ARHGAP6: variants seen among roughly 807,000 people sequenced by gnomAD.
ARHGAP6 encodes the protein rho GTPase-activating protein 6.
A neutral mutation model predicts 55.7 loss-of-function variants in ARHGAP6; 16 were observed. The observed-to-expected ratio is 0.29, with a 90% CI of 0.19 to 0.44. The LOEUF (loss-of-function observed/expected upper bound fraction) is 0.44. Ranked by LOEUF, ARHGAP6 falls within the 20% of genes least tolerant of loss-of-function variation. The pLI, the probability that ARHGAP6 is intolerant of heterozygous loss-of-function variation, is 1.00. For synonymous variants in ARHGAP6, 382 were observed against 360.9 expected (o/e 1.06, Z -0.66); for missense variants, 698 against 808.9 (o/e 0.86, Z 1.66).
chrX:11,652,551 G>T (rs191780366), intron 1 of ARHGAP6, among the ~76,000 whole-genome samples: 1 of 112,246 alleles, frequency 8.9e-6, no homozygotes, highest in East Asian at 2.8e-4. Context: ...CTGCCAGAAA[G>T]AAAATATGAC....
At chrX:11,501,499 CTAAAACTAAAT>C (rs1372348707) in intron 1 of ARHGAP6, among the ~76,000 whole-genome samples, 2 of 111,546 alleles carry the variant, frequency 1.8e-5, no homozygotes, top group Non-Finnish European at 3.8e-5. Flanking sequence ...GGTTGGAAAA[CTAAAACTAAAT>C]TACAACTGAC....
At chrX:11,296,973 C>A in intron 1 of ARHGAP6, 1 of 861,991 alleles carries the variant, frequency 1.2e-6, no homozygotes, top group Non-Finnish European at 1.7e-6. Context: ...CCAGTTTAAG[C>A]TCTGATGGTT....
At chrX:11,196,135 A>AAAAACAAAAC (rs572396714) in intron 3 of ARHGAP6, among the ~76,000 whole-genome samples, 4,182 of 100,654 alleles carry the variant, frequency 0.042, 223 homozygotes, top group African/African-American at 0.12. Flanking sequence ...CTCTGTCTCA[A>AAAAACAAAAC]AAAACAAAAC....
intron 4 of ARHGAP6, 125 bp from the exon 5 acceptor site, chrX:11,186,556 ATTTC>A (rs953355177): frequency 1.9e-5 from 8 of 419,872 alleles, no homozygotes; most frequent in East Asian, 7.5e-5. Flanking sequence ...CTACTGCTTG[ATTTC>A]TTTAATTGTT....
At chrX:11,144,946 A>G (rs1038875811) in intron 10 of ARHGAP6, 10 of 112,917 alleles carry the variant, frequency 8.9e-5, no homozygotes, top group African/African-American at 3.2e-4. Context: ...TGATGTACTA[A>G]TTAGTATACC....
At chrX:11,142,415 A>T (rs2045632484) in intron 11 of ARHGAP6, 102 bp from the exon 12 acceptor site, 2 of 479,094 alleles carry the variant, frequency 4.2e-6, no homozygotes, top group Non-Finnish European at 6.8e-6. Context: ...TGTATTCAAG[A>T]TCCTGTTGTA....
At chrX:11,343,588 A>T (rs1431713036) in intron 1 of ARHGAP6, among the ~76,000 whole-genome samples, 1 of 112,014 alleles carries the variant, frequency 8.9e-6, no homozygotes, top group Non-Finnish European at 1.9e-5. Context: ...GTCAAAGTAT[A>T]GTCCCTAGGA....
At chrX:11,409,281 G>A (rs1246214427) in intron 1 of ARHGAP6, among the ~76,000 whole-genome samples, 1 of 111,795 alleles carries the variant, frequency 8.9e-6, no homozygotes, top group African/African-American at 3.3e-5. Flanking sequence ...AATAACTAGG[G>A]CCACCGACAC....
intron 1 of ARHGAP6, among the ~76,000 whole-genome samples, chrX:11,409,898 AG>A (rs763455468): frequency 1.6e-3 from 178 of 112,455 alleles, no homozygotes; most frequent in Non-Finnish European, 2.8e-3. Flanking sequence ...CCTCAAACCC[AG>A]GAGTTCAAGA....
At chrX:11,321,156 A>G (rs1456562307) in intron 1 of ARHGAP6, among the ~76,000 whole-genome samples, 1 of 112,361 alleles carries the variant, frequency 8.9e-6, no homozygotes, top group African/African-American at 3.2e-5. Flanking sequence ...ATATGGATGT[A>G]AGCGGTGTTT....
intron 1 of ARHGAP6, among the ~76,000 whole-genome samples, chrX:11,305,408 G>A (rs1326791620): frequency 8.9e-6 from 1 of 111,889 alleles, no homozygotes; most frequent in African/African-American, 3.3e-5. Flanking sequence ...TTTAAAAACC[G>A]TCCGACAGAA....
chrX:11,300,480 TTA>T (rs1056208285), intron 1 of ARHGAP6: 1 of 544,716 alleles, frequency 1.8e-6, no homozygotes, highest in Non-Finnish European at 3.0e-6. Flanking sequence ...ACTTCAGAAA[TTA>T]TAGAGTTCAA....
At chrX:11,310,617 TC>T (rs2048289521) in intron 1 of ARHGAP6, among the ~76,000 whole-genome samples, 1 of 111,825 alleles carries the variant, frequency 8.9e-6, no homozygotes, top group Non-Finnish European at 1.9e-5. Context: ...TGGCTCTTAT[TC>T]CCTTGCAACA....
chrX:11,613,453 A>C (rs1226120635), intron 1 of ARHGAP6, among the ~76,000 whole-genome samples: 1 of 112,237 alleles, frequency 8.9e-6, no homozygotes, highest in Non-Finnish European at 1.9e-5. Flanking sequence ...ATCTGGCTCC[A>C]TCTCTACTTT....
rs1415088014 is a variant in ARHGAP6 at position 11,628,880 on chromosome X, A to G, written c.588+35361T>C. ...TTATTAGCAGAAAATAATTATGTGT[A>G]CTAATCATTCCATAATGTCCAACCA... On this transcript the variant is annotated intron_variant, in intron 1 of 12. Transcript: ENST00000337414. Among the ~76,000 whole-genome samples, 4 of 112,444 alleles carry G rather than the reference A, an allele frequency of 3.6e-5. No individual in the cohort carries two copies. The East Asian group carries it at 1.1e-3, about 31-fold the overall frequency.
chrX:11,165,862 G>A (rs2046010134), intron 9 of ARHGAP6, among the ~76,000 whole-genome samples: 1 of 111,411 alleles, frequency 9.0e-6, no homozygotes, highest in South Asian at 3.8e-4. Context: ...TGATTCTCGG[G>A]AGTGCATCCT....
intron 10 of ARHGAP6, chrX:11,148,452 G>A (rs1055321258): frequency 1.2e-5 from 2 of 166,513 alleles, no homozygotes; most frequent in African/African-American, 6.2e-5. Flanking sequence ...CAGTCTCAGA[G>A]CATCATGGAT....
chrX:11,474,877 T>C (rs1376883563), intron 1 of ARHGAP6, among the ~76,000 whole-genome samples: 2 of 110,441 alleles, frequency 1.8e-5, no homozygotes, highest in African/African-American at 3.3e-5. Context: ...CAAAAATGAG[T>C]TGTTATAAAT....
intron 1 of ARHGAP6, among the ~76,000 whole-genome samples, chrX:11,543,206 G>A (rs2051177613): frequency 8.9e-6 from 1 of 112,653 alleles, no homozygotes; most frequent in African/African-American, 3.2e-5. Flanking sequence ...TAGAGCTTCT[G>A]TTCTATGTAA....
Sources: allele counts gnomAD v4.1 joint callset (sites outside exome capture counted in the v4.1 genomes callset), GRCh38; gene constraint gnomAD v4.1.1; transcripts MANE v1.5; gene names NCBI Gene and HGNC (gene_info 2026-07-23, HGNC 2026-07-21).